Variants in SEC11A observed in about 807,000 individuals in gnomAD.
SEC11A encodes the protein SEC11 homolog A, signal peptidase complex subunit.
SEC11A carries 14 observed loss-of-function variants against 25.6 expected under a neutral mutation model. That is an observed-to-expected ratio of 0.55 (90% CI 0.36 to 0.85). SEC11A has a LOEUF of 0.85. SEC11A is among the 40% of genes least tolerant of loss of function. The pLI is 0.01. For synonymous variants in SEC11A, 83 were observed against 76.4 expected (o/e 1.09, Z -0.45); for missense variants, 153 against 222.9 (o/e 0.69, Z 2.00).
intron 1 of SEC11A, among the ~76,000 whole-genome samples, chr15:84,713,889 C>CG (rs1292151707): frequency 6.6e-6 from 1 of 152,102 alleles, no homozygotes; most frequent in Non-Finnish European, 1.5e-5. Flanking sequence ...TGAAGCTGTT[C>CG]GTAATGCCCT....
intron 3 of SEC11A, chr15:84,685,793 A>ATTT (rs1897402462): frequency 2.3e-5 from 3 of 129,924 alleles, no homozygotes; most frequent in African/African-American, 6.1e-5. Flanking sequence ...TCCAAAATAA[A>ATTT]TTTCTTTTTT....
Position 84,687,658 on chromosome 15 carries a change from G to A in SEC11A, c.278C>T (p.Pro93Leu). Residue 93 changes from proline (P) to leucine (L), a missense_variant, in exon 3 of 6, where the codon CCT becomes CTT. Pro to Leu is a moderately conservative substitution (Grantham distance 98, BLOSUM62 -3). Transcript: ENST00000268220. The part of the protein sequence containing the change: ...VVFRIEGREI[P>L]IVHRVLKIHE... ...AATCTTCAAGACTCGGTGAACTATA[G>A]GAATCTCTCTTCCTTCTATCCTAAA... 6.3e-7 allele frequency: 1 copy of A among 1,590,456 alleles called. No individual in the cohort carries two copies. Among genetic ancestry groups the A allele is most frequent in the Non-Finnish European group, 8.5e-7 (1 of 1,174,816 alleles).
intron 2 of SEC11A, 86 bp from the exon 3 acceptor site, chr15:84,687,860 AT>A: frequency 8.4e-7 from 1 of 1,184,182 alleles, no homozygotes. Context: ...AAAATAAAAA[AT>A]ATCACTTTGG....
At chr15:84,684,191 T>C (rs760470896) in intron 3 of SEC11A, among the ~76,000 whole-genome samples, 1 of 152,234 alleles carries the variant, frequency 6.6e-6, no homozygotes, top group Non-Finnish European at 1.5e-5. Flanking sequence ...CCAATTATAA[T>C]ATCTCCTGAT....
At chr15:84,705,811 C>T (rs1457272665) in intron 1 of SEC11A, among the ~76,000 whole-genome samples, 1 of 151,540 alleles carries the variant, frequency 6.6e-6, no homozygotes, top group Non-Finnish European at 1.5e-5. Context: ...GCCGAGATCG[C>T]ACCACTGCAC....
intron 4 of SEC11A, chr15:84,671,324 T>G (rs1301394895): frequency 6.6e-6 from 1 of 152,236 alleles, no homozygotes; most frequent in Admixed American, 6.5e-5. Flanking sequence ...TTCATCACCA[T>G]ATGTAGCAAA....
chr15:84,708,995 T>C (rs1898181827), intron 1 of SEC11A, among the ~76,000 whole-genome samples: 1 of 151,892 alleles, frequency 6.6e-6, no homozygotes, highest in Non-Finnish European at 1.5e-5. Context: ...TCAAGCAATA[T>C]AAGTGGCCTG....
Position 84,691,603 on chromosome 15 carries a change from C to T in SEC11A, c.93G>A (p.Ser31=), listed in dbSNP as rs202068060. Residue 31 remains serine, a synonymous_variant, in exon 2 of 6, where the codon TCG becomes TCA. Transcript: ENST00000268220. ...QVLNFGMIVS[S]ALMIWKGLMV... is the part of the protein sequence containing the mutation. ...TTAACCCCTTCCAGATCATTAGTGC[C>T]GATGAGACAATCATTCCAAAATTTA... The T allele has an allele frequency of 1.1e-5, 17 of 1,612,672 alleles. No homozygotes were observed. Among genetic ancestry groups the T allele is most frequent in the Admixed American group, 6.7e-5 (4 of 59,948 alleles).
intron 1 of SEC11A, among the ~76,000 whole-genome samples, chr15:84,693,925 TA>T (rs1426717618): frequency 6.6e-6 from 1 of 152,212 alleles, no homozygotes; most frequent in East Asian, 1.9e-4. Context: ...AAATTCTATA[TA>T]TGCACACACA....
intron 1 of SEC11A, among the ~76,000 whole-genome samples, chr15:84,711,548 T>TG (rs1213646020): frequency 7.2e-5 from 11 of 152,076 alleles, no homozygotes; most frequent in Admixed American, 7.2e-4. Flanking sequence ...CCAGGCACAG[T>TG]GGCTCATGCC....
At chr15:84,695,183 C>T (rs1310136669) in intron 1 of SEC11A, among the ~76,000 whole-genome samples, 1 of 147,662 alleles carries the variant, frequency 6.8e-6, no homozygotes, top group Non-Finnish European at 1.5e-5. Flanking sequence ...TATCCAGAGG[C>T]TGGGCTCGGT....
intron 1 of SEC11A, among the ~76,000 whole-genome samples, chr15:84,703,278 C>T (rs569192106): frequency 3.9e-5 from 6 of 152,222 alleles, no homozygotes; most frequent in African/African-American, 1.4e-4. Context: ...TCAGATTCAC[C>T]AAGCCAAAAA....
At chr15:84,685,574 A>G (rs1373080188) in intron 3 of SEC11A, among the ~76,000 whole-genome samples, 1 of 150,874 alleles carries the variant, frequency 6.6e-6, no homozygotes, top group Admixed American at 6.6e-5. Context: ...ACACCCAGCC[A>G]AACTCACTCA....
chr15:84,692,024 CTTT>C (rs59177902), intron 1 of SEC11A: 4 of 127,344 alleles, frequency 3.1e-5, no homozygotes, highest in South Asian at 2.4e-4. Flanking sequence ...TTTTCTTTTT[CTTT>C]TTTTTTTTTT....
intron 4 of SEC11A, among the ~76,000 whole-genome samples, chr15:84,674,968 C>T (rs1373130940): frequency 6.6e-6 from 1 of 152,130 alleles, no homozygotes; most frequent in Non-Finnish European, 1.5e-5. Flanking sequence ...CAGAATATGA[C>T]GAGGCAGTTC....
At chr15:84,689,529 C>T (rs989004364) in intron 2 of SEC11A, among the ~76,000 whole-genome samples, 11 of 151,680 alleles carry the variant, frequency 7.3e-5, no homozygotes, top group African/African-American at 2.7e-4. Flanking sequence ...TTTAAATATG[C>T]ACTCCATTAT....
At chr15:84,694,927 T>C (rs1198969750) in intron 1 of SEC11A, among the ~76,000 whole-genome samples, 1 of 150,456 alleles carries the variant, frequency 6.6e-6, no homozygotes, top group Non-Finnish European at 1.5e-5. Context: ...CCATCTCTAC[T>C]AAAAATACAA....
intron 1 of SEC11A, 42 bp downstream of exon 1, chr15:84,715,983 G>C (rs769744707): frequency 6.2e-7 from 1 of 1,600,246 alleles, no homozygotes; most frequent in East Asian, 2.2e-5. Context: ...AGCCTCGAAG[G>C]GACAAGAAGA....
At chr15:84,679,336 C>T in intron 4 of SEC11A, 2 of 790,566 alleles carry the variant, frequency 2.5e-6, no homozygotes, top group Non-Finnish European at 3.7e-6. Flanking sequence ...GGAAAAGTTC[C>T]TTAAAGCGGG....
Sources: allele counts gnomAD v4.1 joint callset (sites outside exome capture counted in the v4.1 genomes callset), GRCh38; gene constraint gnomAD v4.1.1; transcripts MANE v1.5; gene names NCBI Gene and HGNC (gene_info 2026-07-23, HGNC 2026-07-21).